The following MACROD2 variants were observed in gnomAD, a reference collection of about 807,000 sequenced individuals.
MACROD2 encodes the protein ADP-ribose glycohydrolase MACROD2.
MACROD2 carries 36 observed loss-of-function variants against 70.4 expected under a neutral mutation model. The ratio of observed to expected loss-of-function variants is 0.51; its 90% CI spans 0.39 to 0.68. MACROD2 has a LOEUF of 0.68. MACROD2 is among the 30% of genes least tolerant of loss of function. MACROD2 has a pLI of 0.00. For synonymous variants in MACROD2, 172 were observed against 178.8 expected (o/e 0.96, Z 0.30); for missense variants, 496 against 538.4 (o/e 0.92, Z 0.78).
At chr20:15,468,804 C>A (rs1400834414) in intron 7 of MACROD2, among the ~76,000 whole-genome samples, 2 of 152,170 alleles carry the variant, frequency 1.3e-5, no homozygotes, top group African/African-American at 2.4e-5. Context: ...AATCTCCATG[C>A]AAAGTATCAC....
chr20:14,087,889 G>A (rs1489018426), intron 3 of MACROD2, among the ~76,000 whole-genome samples: 2 of 151,674 alleles, frequency 1.3e-5, no homozygotes, highest in Non-Finnish European at 2.9e-5. Context: ...ATATATGTGT[G>A]TGTATATATA....
chr20:14,151,528 A>G (rs1459402801), intron 3 of MACROD2, among the ~76,000 whole-genome samples: 2 of 152,194 alleles, frequency 1.3e-5, no homozygotes, highest in African/African-American at 4.8e-5. Flanking sequence ...ACTCAGCCAC[A>G]AAACTGTGCC....
chr20:14,400,124 A>G (rs2122833017), intron 3 of MACROD2, among the ~76,000 whole-genome samples: 1 of 152,212 alleles, frequency 6.6e-6, no homozygotes, highest in South Asian at 2.1e-4. Flanking sequence ...TGGATGAGAG[A>G]CATTGTGAAA....
chr20:15,044,788 AATAGTCTCT>A lies in MACROD2; in HGVS notation c.419-185149_419-185141del, dbSNP rs540152202. Among the ~76,000 whole-genome samples the A allele has an allele frequency of 5.3e-4, 80 of 152,282 alleles. 1 individual carries two copies. Among genetic ancestry groups the A allele is most frequent in the South Asian group, 1.5e-3 (7 of 4,816 alleles). ...GCTACAGCCTTCCCACATCTTTGTA[AATAGTCTCT>A]ATTAAACACTCAAATTACTCTGTTT... On this transcript the variant is annotated intron_variant, in intron 5 of 17. Coordinates refer to ENST00000684519, the MANE Select transcript of MACROD2 (RefSeq NM_001351661.2).
intron 7 of MACROD2, among the ~76,000 whole-genome samples, chr20:15,494,633 A>G (rs4813181): frequency 0.12 from 18,351 of 152,088 alleles, 1,406 homozygotes; most frequent in East Asian, 0.24. Context: ...ACCTTTGATC[A>G]TAGAAGTCAG....
At chr20:14,798,517 T>C (rs2072537724) in intron 5 of MACROD2, among the ~76,000 whole-genome samples, 1 of 152,060 alleles carries the variant, frequency 6.6e-6, no homozygotes, top group African/African-American at 2.4e-5. Context: ...AGAGAGACTT[T>C]TTTTGTCTCA....
At position 15,987,049 on chromosome 20, in the gene MACROD2, T is replaced by A; in HGVS notation, c.1061-17T>A. The A allele has an allele frequency of 6.3e-7, 1 of 1,590,172 alleles. No individual in the cohort carries two copies. Among genetic ancestry groups the A allele is most frequent in the Non-Finnish European group, 8.6e-7 (1 of 1,166,742 alleles). On this transcript the variant is annotated splice_polypyrimidine_tract_variant and intron_variant, in intron 14 of 17. Transcript: ENST00000684519. ...ACTAAAACAACCCTGAGTGTCCATC[T>A]GTCTCATTCTATTTAGAACTTTCAT...
chr20:14,547,958 C>T (rs1978379311), intron 4 of MACROD2, among the ~76,000 whole-genome samples: 1 of 152,160 alleles, frequency 6.6e-6, no homozygotes, highest in Non-Finnish European at 1.5e-5. Flanking sequence ...ACCAGTCCTC[C>T]TGAGGGATAG....
intron 2 of MACROD2, among the ~76,000 whole-genome samples, chr20:14,069,492 G>T (rs2053811016): frequency 6.6e-6 from 1 of 151,568 alleles, no homozygotes; most frequent in Non-Finnish European, 1.5e-5. Flanking sequence ...TATGTTGCCT[G>T]TCTGTCTCCT....
At chr20:16,008,238 A>G (rs1303528606) in intron 15 of MACROD2, among the ~76,000 whole-genome samples, 4 of 152,180 alleles carry the variant, frequency 2.6e-5, no homozygotes, top group Non-Finnish European at 5.9e-5. Context: ...TCTTCTGGTT[A>G]GTCGTTTATC....
At chr20:15,378,243 G>C (rs1173889252) in intron 6 of MACROD2, among the ~76,000 whole-genome samples, 1 of 144,702 alleles carries the variant, frequency 6.9e-6, no homozygotes, top group Non-Finnish European at 1.5e-5. Context: ...TATGAGAAAG[G>C]CTTTCTAACT....
chr20:15,800,547 C>CAA (rs2063714741), intron 8 of MACROD2, among the ~76,000 whole-genome samples: 1 of 152,136 alleles, frequency 6.6e-6, no homozygotes, highest in African/African-American at 2.4e-5. Context: ...TGTCCTTTCC[C>CAA]CAATGTATGT....
intron 6 of MACROD2, among the ~76,000 whole-genome samples, chr20:15,330,474 C>G (rs1271925230): frequency 6.6e-6 from 1 of 151,482 alleles, no homozygotes; most frequent in Non-Finnish European, 1.5e-5. Context: ...GAGAACTGAG[C>G]CCCAATCAAG....
intron 6 of MACROD2, among the ~76,000 whole-genome samples, chr20:15,375,446 C>A (rs1600314641): frequency 6.6e-6 from 1 of 152,066 alleles, no homozygotes; most frequent in Non-Finnish European, 1.5e-5. Context: ...GGTATGGCAG[C>A]TTCTAATTAT....
At chr20:14,962,275 G>C (rs758635713) in intron 5 of MACROD2, among the ~76,000 whole-genome samples, 18 of 151,936 alleles carry the variant, frequency 1.2e-4, no homozygotes, top group Non-Finnish European at 2.4e-4. Flanking sequence ...GTACTCCTCA[G>C]TTATTTCTGT....
intron 5 of MACROD2, among the ~76,000 whole-genome samples, chr20:14,751,898 TAATC>T (rs1219270489): frequency 6.6e-6 from 1 of 152,068 alleles, no homozygotes; most frequent in Non-Finnish European, 1.5e-5. Context: ...TCTACCATAA[TAATC>T]TTACCTACCT....
At chr20:14,020,090 A>C (rs2053053568) in intron 2 of MACROD2, among the ~76,000 whole-genome samples, 1 of 152,202 alleles carries the variant, frequency 6.6e-6, no homozygotes, top group Admixed American at 6.5e-5. Context: ...GCTCCTGGAT[A>C]CACCAATCAG....
intron 5 of MACROD2, among the ~76,000 whole-genome samples, chr20:14,815,457 C>T (rs1408511867): frequency 6.6e-6 from 1 of 152,126 alleles, no homozygotes; most frequent in East Asian, 1.9e-4. Flanking sequence ...TTTATCATAA[C>T]ATACAACTAC....
rs573037636 is a variant in MACROD2 at position 14,661,356 on chromosome 20, G to A, written c.302-23487G>A. 1.1e-4 allele frequency among the ~76,000 whole-genome samples: 16 copies of A among 152,144 alleles called. 1 individual carries two copies. Among genetic ancestry groups the A allele is most frequent in the African/African-American group, 2.9e-4 (12 of 41,526 alleles). ...TTGCCACTTATATGTCTCCTTTTCA[G>A]AACTGTCTGTTCATGTCCTTGGCCC... On this transcript the variant is annotated intron_variant, in intron 4 of 17. Coordinates refer to ENST00000684519, the MANE Select transcript of MACROD2 (RefSeq NM_001351661.2).
Sources: gnomAD v4.1 joint callset for allele counts (sites outside exome capture counted in the v4.1 genomes callset) on GRCh38, gnomAD v4.1.1 for gene constraint, MANE v1.5 for transcripts, NCBI Gene and HGNC (gene_info 2026-07-23, HGNC 2026-07-21) for gene names.